PDS5A: variants seen among roughly 807,000 people sequenced by gnomAD.
PDS5A encodes the protein sister chromatid cohesion protein PDS5 homolog A.
A neutral mutation model predicts 167.1 loss-of-function variants in PDS5A; 42 were observed. The ratio of observed to expected loss-of-function variants is 0.25; its 90% CI spans 0.20 to 0.33. PDS5A has a LOEUF of 0.33. PDS5A is among the 10% of genes least tolerant of loss of function. PDS5A has a pLI of 1.00. For synonymous variants in PDS5A, 553 were observed against 554.6 expected (o/e 1.00, Z 0.04); for missense variants, 1,033 against 1,605.9 (o/e 0.64, Z 6.10).
chr4:39,868,677 C>T (rs749337006), intron 22 of PDS5A: 2 of 454,122 alleles, frequency 4.4e-6, no homozygotes, highest in South Asian at 1.6e-5. Flanking sequence ...CACTATGCTG[C>T]CCAGGTTGGT....
At chr4:39,952,849 C>T (rs1728545559) in intron 2 of PDS5A, among the ~76,000 whole-genome samples, 1 of 151,964 alleles carries the variant, frequency 6.6e-6, no homozygotes, top group Admixed American at 6.6e-5. Context: ...CTGCCTCAGC[C>T]TCCGAAGTAG....
chr4:39,869,331 G>A (rs1719820008), intron 22 of PDS5A, 63 bp downstream of exon 22: 5 of 968,596 alleles, frequency 5.2e-6, no homozygotes, highest in South Asian at 2.6e-5. Flanking sequence ...TAAAGGTGAG[G>A]AAGATAACTA....
At chr4:39,969,127 T>C (rs1007662184) in intron 2 of PDS5A, among the ~76,000 whole-genome samples, 10 of 152,204 alleles carry the variant, frequency 6.6e-5, no homozygotes, top group Admixed American at 2.0e-4. Flanking sequence ...TCCTTCCACA[T>C]AGCTAACTTT....
At chr4:39,877,873 G>T (rs895832465) in intron 18 of PDS5A, among the ~76,000 whole-genome samples, 1 of 152,036 alleles carries the variant, frequency 6.6e-6, no homozygotes, top group Non-Finnish European at 1.5e-5. Flanking sequence ...GGGATTACAG[G>T]CGTAAACCAT....
chr4:39,842,430 A>G (rs1717111087), intron 30 of PDS5A, among the ~76,000 whole-genome samples: 1 of 152,214 alleles, frequency 6.6e-6, no homozygotes, highest in Non-Finnish European at 1.5e-5. Flanking sequence ...TGTCATTTCC[A>G]TAGTGTTCTA....
At chr4:39,952,721 T>C (rs1728530051) in intron 2 of PDS5A, among the ~76,000 whole-genome samples, 2 of 141,310 alleles carry the variant, frequency 1.4e-5, no homozygotes, top group Non-Finnish European at 3.1e-5. Flanking sequence ...TACACAGATC[T>C]GGAATTTTTT....
At position 39,830,705 on chromosome 4, in the gene PDS5A, G is replaced by A. The variant is rs959478324; in HGVS notation, c.4011-5217C>T. 3.9e-5 allele frequency among the ~76,000 whole-genome samples: 6 copies of A among 152,226 alleles called. No individual in the cohort carries two copies. In the East Asian group the frequency reaches 5.8e-4, roughly 15 times the overall value. ...TTCCCAAAGTGCTGGGATTAAAGGC[G>A]TGAGCCACCATGCCCAGCCCATTTG... On this transcript the variant is annotated intron_variant, in intron 32 of 32. Transcript: ENST00000303538.
chr4:39,898,563 G>GAAAA, intron 15 of PDS5A, 35 bp from the exon 16 acceptor site: 2 of 1,028,796 alleles, frequency 1.9e-6, no homozygotes, highest in East Asian at 3.3e-5. Context: ...ATTAGAGAAG[G>GAAAA]AAAAAAAAAA....
chr4:39,965,580 GTAA>G (rs1167169968), intron 2 of PDS5A, among the ~76,000 whole-genome samples: 1 of 152,192 alleles, frequency 6.6e-6, no homozygotes, highest in African/African-American at 2.4e-5. Flanking sequence ...AGGGAAGGAA[GTAA>G]TAACACATGC....
intron 17 of PDS5A, among the ~76,000 whole-genome samples, chr4:39,880,273 T>A (rs145484553): frequency 6.6e-6 from 1 of 152,280 alleles, no homozygotes; most frequent in Non-Finnish European, 1.5e-5. Flanking sequence ...AGTAACTTTA[T>A]TTCTATAAAC....
At chr4:39,909,815 TC>T (rs1723739591) in intron 10 of PDS5A, among the ~76,000 whole-genome samples, 1 of 152,156 alleles carries the variant, frequency 6.6e-6, no homozygotes, top group South Asian at 2.1e-4. Context: ...ATAATCATGT[TC>T]CCACTTATTA....
chr4:39,861,797 C>A (rs1008747462), intron 26 of PDS5A, among the ~76,000 whole-genome samples: 1 of 152,056 alleles, frequency 6.6e-6, no homozygotes, highest in African/African-American at 2.4e-5. Flanking sequence ...TATTATGTAT[C>A]AAAATTTTTT....
chr4:39,839,362 G>C (rs991708136), intron 31 of PDS5A, among the ~76,000 whole-genome samples: 1 of 151,958 alleles, frequency 6.6e-6, no homozygotes, highest in African/African-American at 2.4e-5. Flanking sequence ...ACGAGGTCAG[G>C]AGTTCAAGAC....
chr4:39,946,938 T>C (rs1426787132), intron 2 of PDS5A, among the ~76,000 whole-genome samples: 1 of 151,312 alleles, frequency 6.6e-6, no homozygotes, highest in Non-Finnish European at 1.5e-5. Context: ...TAAATAAAAC[T>C]GATCATAAAG....
chr4:39,896,435 C>T (rs1447916023), intron 16 of PDS5A, among the ~76,000 whole-genome samples: 4 of 143,236 alleles, frequency 2.8e-5, no homozygotes, highest in Non-Finnish European at 6.0e-5. Context: ...AAAATGGTTT[C>T]TTTCCTTATA....
intron 8 of PDS5A, among the ~76,000 whole-genome samples, chr4:39,915,121 C>A (rs2109696316): frequency 6.6e-6 from 1 of 152,032 alleles, no homozygotes; most frequent in Non-Finnish European, 1.5e-5. Flanking sequence ...TCACTGCAGC[C>A]TTGAACTCCT....
chr4:39,850,324 C>CAA (rs150193162), intron 26 of PDS5A, among the ~76,000 whole-genome samples: 1 of 148,706 alleles, frequency 6.7e-6, no homozygotes, highest in Non-Finnish European at 1.5e-5. Flanking sequence ...CCCATCTCTA[C>CAA]AAAAAAAATA....
At chr4:39,865,512 C>T (rs1299331288) in intron 23 of PDS5A, among the ~76,000 whole-genome samples, 1 of 152,202 alleles carries the variant, frequency 6.6e-6, no homozygotes, top group African/African-American at 2.4e-5. Context: ...GATCCCATTC[C>T]TAATCACAAT....
intron 21 of PDS5A, among the ~76,000 whole-genome samples, chr4:39,872,052 T>G (rs180793801): frequency 2.4e-4 from 37 of 151,790 alleles, no homozygotes; most frequent in African/African-American, 8.9e-4. Flanking sequence ...ATTTGGGGAG[T>G]CTTTTCAATC....
Sources: gnomAD v4.1 joint callset for allele counts (sites outside exome capture counted in the v4.1 genomes callset) on GRCh38, gnomAD v4.1.1 for gene constraint, MANE v1.5 for transcripts, NCBI Gene and HGNC (gene_info 2026-07-23, HGNC 2026-07-21) for gene names.